Variants in SSBP3 observed in about 807,000 individuals in gnomAD.
SSBP3 encodes the protein single-stranded DNA-binding protein 3.
SSBP3 carries 5 observed loss-of-function variants against 69.6 expected under a neutral mutation model. The ratio of observed to expected loss-of-function variants is 0.07; its 90% CI spans 0.04 to 0.15. The LOEUF is 0.15. Among genes scored for constraint, SSBP3 ranks in the 10% least tolerant of loss-of-function variants. The probability of loss-of-function intolerance (pLI) is 1.00; values close to 1 mark genes in which losing one functional copy is unlikely to be tolerated. For missense variants in SSBP3, 312 were observed against 534.0 expected, an observed-to-expected ratio of 0.58 and a Z score of 4.10; for synonymous variants, 196 against 193.4, an observed-to-expected ratio of 1.01 and a Z score of -0.11.
chr1:54,353,125 C>T (rs1646809241), intron 4 of SSBP3, among the ~76,000 whole-genome samples: 1 of 152,208 alleles, frequency 6.6e-6, no homozygotes, highest in South Asian at 2.1e-4. Flanking sequence ...CTGGACAGGT[C>T]CCCACACACC....
At chr1:54,295,592 T>C (rs936495390) in intron 4 of SSBP3, among the ~76,000 whole-genome samples, 1 of 152,108 alleles carries the variant, frequency 6.6e-6, no homozygotes, top group Non-Finnish European at 1.5e-5. Context: ...GCAATTCACC[T>C]CTGACTTGAG....
At position 54,323,608 on chromosome 1, in the gene SSBP3, G is replaced by A. The variant is rs578122502; in HGVS notation, c.277-42081C>T. ...CCTTCAGGCAAGTGAAGGAAGGGCC[G>A]AGAGAAGGCCAGCAGATGTGTGGGT... On this transcript the variant is annotated intron_variant, in intron 4 of 17. Transcript: ENST00000610401. 9.2e-5 allele frequency among the ~76,000 whole-genome samples: 14 copies of A among 152,340 alleles called. No individual in the cohort carries two copies. The East Asian group carries it at 1.3e-3, about 15-fold the overall frequency.
intron 4 of SSBP3, among the ~76,000 whole-genome samples, chr1:54,366,573 G>T (rs985980924): frequency 1.3e-5 from 2 of 152,192 alleles, no homozygotes; most frequent in Non-Finnish European, 2.9e-5. Context: ...ATCAATTCAT[G>T]TGAACACACA....
rs563530165 is a variant in SSBP3, at chr1:54,241,523, G to A, written c.766-14C>T. ...GGAGTATGGAATCTAAAAACAAGAT[G>A]TCAGGGAGCCCCACGTCAGAGTCAC... On this transcript the variant is annotated splice_polypyrimidine_tract_variant and intron_variant, in intron 11 of 17. Coordinates refer to ENST00000610401, the Ensembl canonical transcript of SSBP3. 166 of 1,613,800 alleles carry A rather than the reference G, an allele frequency of 1.0e-4. 2 individuals are homozygous for A. In the South Asian group the frequency reaches 1.6e-3, roughly 16 times the overall value.
At chr1:54,242,092 A>T in intron 11 of SSBP3, 72 bp downstream of exon 11, 1 of 1,557,876 alleles carries the variant, frequency 6.4e-7, no homozygotes. Flanking sequence ...ACCTACACCC[A>T]GGGACAGTAG....
intron 4 of SSBP3, among the ~76,000 whole-genome samples, chr1:54,302,192 A>G (rs1485999119): frequency 6.6e-6 from 1 of 152,256 alleles, no homozygotes; most frequent in East Asian, 1.9e-4. Context: ...GGACAGGAAC[A>G]GGACAACCTC....
At chr1:54,284,395 G>A (rs1478800201) in intron 4 of SSBP3, among the ~76,000 whole-genome samples, 1 of 151,626 alleles carries the variant, frequency 6.6e-6, no homozygotes, top group Admixed American at 6.6e-5. Context: ...AATCATTCAT[G>A]TCCTTTGCTA....
At chr1:54,395,301 A>G (rs1354865723) in intron 4 of SSBP3, among the ~76,000 whole-genome samples, 1 of 152,178 alleles carries the variant, frequency 6.6e-6, no homozygotes, top group Non-Finnish European at 1.5e-5. Flanking sequence ...CAGTAAAGAG[A>G]TGGACCTTGA....
At chr1:54,375,143 G>A (rs77084749) in intron 4 of SSBP3, among the ~76,000 whole-genome samples, 1 of 152,196 alleles carries the variant, frequency 6.6e-6, no homozygotes, top group Non-Finnish European at 1.5e-5. Flanking sequence ...TGTGTCCCCA[G>A]GTGTTGGGCA....
At chr1:54,389,566 T>C (rs1264177518) in intron 4 of SSBP3, among the ~76,000 whole-genome samples, 7 of 151,894 alleles carry the variant, frequency 4.6e-5, no homozygotes, top group Admixed American at 1.3e-4. Flanking sequence ...ACAGAAAAGA[T>C]GCCAAATCTG....
intron 5 of SSBP3, among the ~76,000 whole-genome samples, chr1:54,260,458 C>G (rs1644998123): frequency 6.6e-6 from 1 of 152,192 alleles, no homozygotes; most frequent in African/African-American, 2.4e-5. Flanking sequence ...AGTGAAGCAC[C>G]CAAGGGCGTG....
chr1:54,239,627 G>A (rs1425776314), intron 13 of SSBP3, among the ~76,000 whole-genome samples: 1 of 152,208 alleles, frequency 6.6e-6, no homozygotes, highest in East Asian at 1.9e-4. Context: ...ACCCTGCCAG[G>A]CTGATGGGGC....
At position 54,316,680 on chromosome 1, in the gene SSBP3, AT is replaced by A. The variant is rs1297634878; in HGVS notation, c.277-35154del. ...AAAAATAAAATAAATAAATAAATAAATAAATAAATAAATAAATAAATAAATA... is the reference window on the plus strand; with the variant it reads ...AAAAATAAAATAAATAAATAAATAAAAAATAAATAAATAAATAAATAAATA... On this transcript the variant is annotated intron_variant, in intron 4 of 17. Transcript: ENST00000610401. Among the ~76,000 whole-genome samples the A allele has an allele frequency of 6.6e-3, 856 of 129,436 alleles. 96 individuals are homozygous for A. Among genetic ancestry groups the A allele is most frequent in the African/African-American group, 0.028 (790 of 28,498 alleles). The allele number at this position is 129,436 out of a possible 152,430, so 84.9% of individuals were successfully genotyped here.
chr1:54,347,291 C>G (rs180855988), intron 4 of SSBP3, among the ~76,000 whole-genome samples: 1 of 151,482 alleles, frequency 6.6e-6, no homozygotes, highest in East Asian at 1.9e-4. Flanking sequence ...TAAATCATCT[C>G]TGGGTTACTT....
intron 4 of SSBP3, among the ~76,000 whole-genome samples, chr1:54,330,281 C>T (rs1485539712): frequency 6.6e-6 from 1 of 152,136 alleles, no homozygotes; most frequent in Non-Finnish European, 1.5e-5. Flanking sequence ...GCACTGGTTC[C>T]GGGCACATGA....
intron 4 of SSBP3, among the ~76,000 whole-genome samples, chr1:54,334,228 T>C (rs1170513184): frequency 6.6e-6 from 1 of 151,978 alleles, no homozygotes; most frequent in Non-Finnish European, 1.5e-5. Flanking sequence ...GGTGCGTGCC[T>C]GTAGTTCCAG....
intron 14 of SSBP3, among the ~76,000 whole-genome samples, chr1:54,232,927 G>A (rs372941219): frequency 0.016 from 2,376 of 152,146 alleles, 45 homozygotes; most frequent in East Asian, 0.068. Context: ...ATCTCGGCTC[G>A]CTACAACCTC....
intron 4 of SSBP3, among the ~76,000 whole-genome samples, chr1:54,323,070 T>A (rs1473983084): frequency 6.6e-6 from 1 of 152,172 alleles, no homozygotes; most frequent in Non-Finnish European, 1.5e-5. Context: ...GAAGAACCTT[T>A]TTGAGTTATT....
intron 4 of SSBP3, among the ~76,000 whole-genome samples, chr1:54,304,744 G>A (rs1194328484): frequency 6.6e-6 from 1 of 152,210 alleles, no homozygotes; most frequent in Non-Finnish European, 1.5e-5. Context: ...GCTGAGGGTT[G>A]AGTTTGTGGA....
Sources: allele counts gnomAD v4.1 joint callset (sites outside exome capture counted in the v4.1 genomes callset), GRCh38; gene constraint gnomAD v4.1.1; transcripts MANE v1.5; gene names NCBI Gene and HGNC (gene_info 2026-07-23, HGNC 2026-07-21).